MEIS1: variants seen among roughly 807,000 people sequenced by gnomAD.
MEIS1 encodes the protein homeobox protein Meis1.
Under a neutral mutation model 50.8 loss-of-function variants are expected in MEIS1, and 5 were observed. The observed-to-expected ratio is 0.10, with a 90% CI of 0.05 to 0.21. MEIS1 has a LOEUF of 0.21. MEIS1 is among the 10% of genes least tolerant of loss of function. The pLI is 1.00. For missense variants in MEIS1, 318 were observed against 517.3 expected, an observed-to-expected ratio of 0.61 and a Z score of 3.74; for synonymous variants, 176 against 179.3, an observed-to-expected ratio of 0.98 and a Z score of 0.15.
chr2:66,555,168 CTGTT>C (rs1236485184), intron 9 of MEIS1, among the ~76,000 whole-genome samples: 1 of 152,052 alleles, frequency 6.6e-6, no homozygotes, highest in Admixed American at 6.6e-5. Context: ...GATTAAAAGA[CTGTT>C]TAAGCATTAT....
intron 8 of MEIS1, among the ~76,000 whole-genome samples, chr2:66,524,247 G>A (rs1402977193): frequency 6.6e-6 from 1 of 152,128 alleles, no homozygotes; most frequent in East Asian, 1.9e-4. Context: ...CTGACTCTGG[G>A]TTTTGAAAAT....
chr2:66,567,913 G>A lies in MEIS1; in HGVS notation c.1024+402G>A. On this transcript the variant is annotated intron_variant, in intron 10 of 12. Transcript: ENST00000272369. The stretch of plus-strand genomic sequence containing the variant: ...TCAAAAGGGCAAAGGGGTCAGGATT[G>A]CTTGTGGGACTCAGTAAAGTTCAAA... 3 of 397,208 alleles carry A rather than the reference G, an allele frequency of 7.6e-6. No homozygotes were observed. In the South Asian group the frequency reaches 8.4e-5, roughly 11 times the overall value. 24.6% of individuals were successfully genotyped at this position (397,208 alleles called of 1,614,324 possible).
At chr2:66,472,058 C>G (rs1333544709) in intron 7 of MEIS1, among the ~76,000 whole-genome samples, 2 of 152,186 alleles carry the variant, frequency 1.3e-5, no homozygotes, top group Non-Finnish European at 2.9e-5. Flanking sequence ...TTCTCACCTT[C>G]CCTTCTTCTC....
intron 8 of MEIS1, among the ~76,000 whole-genome samples, chr2:66,539,098 G>A (rs1318510473): frequency 6.6e-6 from 1 of 151,942 alleles, no homozygotes; most frequent in African/African-American, 2.4e-5. Context: ...TGTGTTAGCC[G>A]GGATGATCTC....
In MEIS1 at chr2:66,487,333, T is replaced by C. The variant is rs1673167050; in HGVS notation, c.742+23113T>C. 2.0e-5 allele frequency among the ~76,000 whole-genome samples: 3 copies of C among 152,328 alleles called. No homozygotes were observed. The South Asian group carries it at 6.2e-4, about 32-fold the overall frequency. On this transcript the variant is annotated intron_variant, in intron 7 of 12. Transcript: ENST00000272369. Reference sequence around the variant, plus strand: ...CATTCCGTTTCAACAATTGTTAACATTTTGCCATGTTTCTTTGTCTATATA... The same window carrying C: ...CATTCCGTTTCAACAATTGTTAACACTTTGCCATGTTTCTTTGTCTATATA...
At chr2:66,490,988 C>T (rs1673257831) in intron 7 of MEIS1, among the ~76,000 whole-genome samples, 1 of 151,832 alleles carries the variant, frequency 6.6e-6, no homozygotes, top group Non-Finnish European at 1.5e-5. Context: ...CTCAACTTCC[C>T]AAGTAAAAGC....
chr2:66,445,168 G>A (rs1253548673), intron 6 of MEIS1: 1 of 152,160 alleles, frequency 6.6e-6, no homozygotes, highest in Non-Finnish European at 1.5e-5. Flanking sequence ...TCTGGTCCCC[G>A]CTGGTTAAGA....
intron 8 of MEIS1, among the ~76,000 whole-genome samples, chr2:66,538,877 GTTTT>G (rs558550716): frequency 1.3e-5 from 2 of 151,450 alleles, no homozygotes; most frequent in Non-Finnish European, 1.5e-5. Context: ...CCTTAAAAGA[GTTTT>G]TTTTTTTTTT....
chr2:66,497,013 T>C (rs1315959645), intron 7 of MEIS1, among the ~76,000 whole-genome samples: 1 of 152,172 alleles, frequency 6.6e-6, no homozygotes, highest in Non-Finnish European at 1.5e-5. Context: ...CATGCTTCGG[T>C]GTCTCTTTTT....
intron 12 of MEIS1, chr2:66,571,020 G>T: frequency 2.0e-6 from 1 of 508,134 alleles, no homozygotes; most frequent in Non-Finnish European, 3.4e-6. Context: ...TCAGTAGGCG[G>T]ACCTGATAAC....
In MEIS1 at chr2:66,440,552, T is replaced by C; in HGVS notation, c.382-10T>C. 2 of 1,610,872 alleles carry C rather than the reference T, an allele frequency of 1.2e-6. No individual in the cohort carries two copies. Among genetic ancestry groups the C allele is most frequent in the Non-Finnish European group, 1.7e-6 (2 of 1,177,856 alleles). On this transcript the variant is annotated splice_polypyrimidine_tract_variant and intron_variant, in intron 3 of 12. Transcript: ENST00000272369. ...CCTCCCTCTCCCCTCTCCTTCTCACTTGTATTTAGATTCGCGCAGAAAAAC... is the reference window on the plus strand; with the variant it reads ...CCTCCCTCTCCCCTCTCCTTCTCACCTGTATTTAGATTCGCGCAGAAAAAC...
intron 9 of MEIS1, among the ~76,000 whole-genome samples, chr2:66,554,838 C>T (rs908170588): frequency 6.6e-6 from 1 of 152,148 alleles, no homozygotes; most frequent in Non-Finnish European, 1.5e-5. Context: ...TTGTAACTTT[C>T]CTCATCTTAC....
At position 66,567,530 on chromosome 2, in the gene MEIS1, C is replaced by G; in HGVS notation, c.1024+19C>G. The G allele has an allele frequency of 1.2e-5, 20 of 1,613,048 alleles. No homozygotes were observed. The highest frequency in any genetic ancestry group is 1.7e-5 in the Non-Finnish European group (20 of 1,179,394). On this transcript the variant is annotated intron_variant, in intron 10 of 12. Coordinates refer to ENST00000272369, the MANE Select transcript of MEIS1 (RefSeq NM_002398.3). ...CGAGCAGGCAAGTCCCCCATAGTGA[C>G]TGTATTCAAGTCACGCAAGCGAAAA... is the stretch of plus-strand genomic sequence containing the variant.
chr2:66,494,746 C>T (rs575455041), intron 7 of MEIS1, among the ~76,000 whole-genome samples: 2 of 152,234 alleles, frequency 1.3e-5, no homozygotes, highest in Non-Finnish European at 2.9e-5. Context: ...CTCATAACAC[C>T]CCTTTGAATT....
intron 12 of MEIS1, 109 bp downstream of exon 12, chr2:66,569,254 A>G (rs1239102882): frequency 1.3e-5 from 12 of 906,102 alleles, no homozygotes; most frequent in East Asian, 5.0e-5. Context: ...ATTCCTTTCC[A>G]TTAAACTCCT....
intron 8 of MEIS1, among the ~76,000 whole-genome samples, chr2:66,532,829 C>G (rs1307877611): frequency 1.3e-5 from 2 of 152,138 alleles, no homozygotes; most frequent in African/African-American, 2.4e-5. Flanking sequence ...GCTTCTGAAA[C>G]TGTATGACAT....
intron 9 of MEIS1, among the ~76,000 whole-genome samples, chr2:66,555,947 C>A (rs1675052381): frequency 6.6e-6 from 1 of 152,156 alleles, no homozygotes; most frequent in Non-Finnish European, 1.5e-5. Flanking sequence ...GGTCTTAGAT[C>A]CGGTCTGCAT....
chr2:66,497,175 T>A (rs1673426666), intron 7 of MEIS1, among the ~76,000 whole-genome samples: 1 of 152,196 alleles, frequency 6.6e-6, no homozygotes, highest in Non-Finnish European at 1.5e-5. Flanking sequence ...AAATGCACCT[T>A]GATCATTATC....
intron 8 of MEIS1, among the ~76,000 whole-genome samples, chr2:66,522,940 G>C (rs1674161586): frequency 6.6e-6 from 1 of 152,174 alleles, no homozygotes; most frequent in Non-Finnish European, 1.5e-5. Context: ...CAGAATCCCT[G>C]TTAATGTAAT....
Sources: allele counts gnomAD v4.1 joint callset (sites outside exome capture counted in the v4.1 genomes callset), GRCh38; gene constraint gnomAD v4.1.1; transcripts MANE v1.5; gene names NCBI Gene and HGNC (gene_info 2026-07-23, HGNC 2026-07-21).